PRORP: variants seen among roughly 807,000 people sequenced by gnomAD.
PRORP encodes mitochondrial ribonuclease P catalytic subunit.
A neutral mutation model predicts 59.4 loss-of-function variants in PRORP; 51 were observed. The observed-to-expected ratio is 0.86, with a 90% CI of 0.69 to 1.08. The LOEUF is 1.08. PRORP is among the 50% of genes least tolerant of loss of function. The probability of loss-of-function intolerance (pLI) is 0.00; values close to 1 mark genes in which losing one functional copy is unlikely to be tolerated. For synonymous variants in PRORP, 231 were observed against 245.6 expected (o/e 0.94, Z 0.55); for missense variants, 646 against 690.3 (o/e 0.94, Z 0.72).
chr14:35,160,474 T>C (rs920037862), intron 4 of PRORP, among the ~76,000 whole-genome samples: 1 of 152,220 alleles, frequency 6.6e-6, no homozygotes, highest in Non-Finnish European at 1.5e-5. Context: ...TCTTCTCTGC[T>C]TCCGATTTTT....
At chr14:35,190,773 G>A (rs903908697) in intron 5 of PRORP, among the ~76,000 whole-genome samples, 1 of 152,046 alleles carries the variant, frequency 6.6e-6, no homozygotes, top group Non-Finnish European at 1.5e-5. Context: ...TAAGTGCTGG[G>A]ATTACAGGCA....
At chr14:35,152,370 T>A in intron 4 of PRORP, among the ~76,000 whole-genome samples, 1 of 151,828 alleles carries the variant, frequency 6.6e-6, no homozygotes, top group East Asian at 1.9e-4. Flanking sequence ...TTCTCTATCT[T>A]TTCCCCACCT....
chr14:35,190,021 A>G (rs1175778179), intron 5 of PRORP, among the ~76,000 whole-genome samples: 1 of 151,898 alleles, frequency 6.6e-6, no homozygotes, highest in Non-Finnish European at 1.5e-5. Context: ...AGGCAGGAGA[A>G]TCGCTTGAAC....
Position 35,262,234 on chromosome 14 carries a change from A to G in PRORP, c.1276-4493A>G, listed in dbSNP as rs561994858. Among the ~76,000 whole-genome samples the G allele has an allele frequency of 2.0e-5, 3 of 152,030 alleles. No individual in the cohort carries two copies. The East Asian group carries it at 5.8e-4, about 29-fold the overall frequency. On this transcript the variant is annotated intron_variant, in intron 5 of 7. Transcript: ENST00000534898. ...GCTGTGTTGCCCAGGCTGGTCCCGA[A>G]CTCCTGGCCTCAAGCAGTCCTCCTG...
intron 5 of PRORP, among the ~76,000 whole-genome samples, chr14:35,182,295 A>C (rs1346105199): frequency 1.3e-5 from 2 of 152,088 alleles, no homozygotes; most frequent in Admixed American, 1.3e-4. Context: ...AAATGTTTAC[A>C]ATATGTGACA....
rs1256355026 is a variant in PRORP, at chr14:35,123,731, G to A, written c.486G>A (p.Leu162=). 4 of 1,614,198 alleles carry A rather than the reference G, an allele frequency of 2.5e-6. No homozygotes were observed. The South Asian group carries it at 4.4e-5, about 18-fold the overall frequency. ...HSSIDVAKSL[L]AWVAAKNNGI... ...CTATAGATGTGGCTAAATCTCTGCT[G>A]GCATGGGTAGCAGCCAAAAATAATG... The change falls in exon 2 of 8, where the codon CTG becomes CTA. Residue 162 remains leucine, a synonymous_variant. Coordinates refer to ENST00000534898, the MANE Select transcript of PRORP (RefSeq NM_014672.4).
At chr14:35,240,180 A>G (rs1359562172) in intron 5 of PRORP, among the ~76,000 whole-genome samples, 1 of 151,878 alleles carries the variant, frequency 6.6e-6, no homozygotes, top group Non-Finnish European at 1.5e-5. Flanking sequence ...TCATTTCACT[A>G]CCACCAAAGT....
At chr14:35,174,589 G>A (rs1344140851) in intron 4 of PRORP, among the ~76,000 whole-genome samples, 1 of 151,952 alleles carries the variant, frequency 6.6e-6, no homozygotes, top group African/African-American at 2.4e-5. Context: ...ACAGCCATAG[G>A]TAAATAAAAG....
At chr14:35,263,508 G>A (rs1470291802) in intron 5 of PRORP, among the ~76,000 whole-genome samples, 1 of 151,598 alleles carries the variant, frequency 6.6e-6, no homozygotes, top group African/African-American at 2.4e-5. Context: ...CCAACATGGT[G>A]AAACTCCGTC....
At chr14:35,125,523 T>G (rs2047075958) in intron 2 of PRORP, among the ~76,000 whole-genome samples, 1 of 152,214 alleles carries the variant, frequency 6.6e-6, no homozygotes, top group Non-Finnish European at 1.5e-5. Flanking sequence ...TGCTTAGTCA[T>G]TATTTCTTCA....
chr14:35,273,755 T>G lies in PRORP; in HGVS notation c.*189T>G. 1 of 437,982 alleles carries G rather than the reference T, an allele frequency of 2.3e-6. No individual in the cohort carries two copies. Among genetic ancestry groups the G allele is most frequent in the Non-Finnish European group, 3.8e-6 (1 of 265,332 alleles). The allele number at this position is 437,982 out of a possible 1,614,324, so 27.1% of individuals were successfully genotyped here. On this transcript the variant is annotated 3_prime_UTR_variant, in exon 8 of 8. Transcript: ENST00000534898. ...CATAACCAGCTGCGTTTTTTTCCCC[T>G]AACATTTGTTTTTGGAGGCTTATCA...
At chr14:35,207,979 G>A (rs1481317322) in intron 5 of PRORP, among the ~76,000 whole-genome samples, 1 of 152,040 alleles carries the variant, frequency 6.6e-6, no homozygotes, top group African/African-American at 2.4e-5. Context: ...GTGAAACCCC[G>A]TCTCTCCTAA....
intron 4 of PRORP, among the ~76,000 whole-genome samples, chr14:35,164,386 C>G (rs1433405711): frequency 6.6e-6 from 1 of 152,206 alleles, no homozygotes; most frequent in Non-Finnish European, 1.5e-5. Flanking sequence ...TGGAATCAAC[C>G]TAGTGCCAAT....
At chr14:35,173,822 A>G (rs73236938) in intron 4 of PRORP, among the ~76,000 whole-genome samples, 28,010 of 151,900 alleles carry the variant, frequency 0.18, 2,830 homozygotes, top group Admixed American at 0.27. Flanking sequence ...ATGAGACTCA[A>G]TTGATGCTTC....
chr14:35,166,531 C>A (rs1357758805), intron 4 of PRORP, among the ~76,000 whole-genome samples: 1 of 150,100 alleles, frequency 6.7e-6, no homozygotes, highest in African/African-American at 2.5e-5. Flanking sequence ...CTCACTGCAA[C>A]CTCTGCCTCC....
intron 5 of PRORP, among the ~76,000 whole-genome samples, chr14:35,233,885 A>G (rs2050142207): frequency 6.6e-6 from 1 of 152,158 alleles, no homozygotes; most frequent in South Asian, 2.1e-4. Flanking sequence ...TACAATTCAT[A>G]TATTTATTAG....
intron 4 of PRORP, among the ~76,000 whole-genome samples, chr14:35,142,864 A>G (rs1056529571): frequency 7.0e-6 from 1 of 143,638 alleles, no homozygotes; most frequent in Non-Finnish European, 1.5e-5. Context: ...AAAAAATTGT[A>G]AAGATGGGAT....
intron 5 of PRORP, among the ~76,000 whole-genome samples, chr14:35,253,371 AAG>A (rs2050664224): frequency 1.3e-5 from 2 of 150,172 alleles, no homozygotes; most frequent in Non-Finnish European, 2.9e-5. Flanking sequence ...GAAAGAAAGA[AAG>A]AAAAGAAAGA....
intron 7 of PRORP, among the ~76,000 whole-genome samples, chr14:35,271,769 A>C (rs2051196450): frequency 6.6e-6 from 1 of 152,224 alleles, no homozygotes; most frequent in South Asian, 2.1e-4. Context: ...TCACACCTGT[A>C]ATCTCAACAC....
Sources: allele counts gnomAD v4.1 joint callset (sites outside exome capture counted in the v4.1 genomes callset), GRCh38; gene constraint gnomAD v4.1.1; transcripts MANE v1.5; gene names NCBI Gene and HGNC (gene_info 2026-07-23, HGNC 2026-07-21).